Variants in FSTL4 observed in about 807,000 individuals in gnomAD.
FSTL4 encodes follistatin like 4.
A neutral mutation model predicts 78.2 loss-of-function variants in FSTL4; 28 were observed. The observed-to-expected ratio is 0.36, with a 90% CI of 0.27 to 0.49. The LOEUF (loss-of-function observed/expected upper bound fraction) is 0.49, where lower values mean the gene tolerates loss of function less well. Ranked by LOEUF, FSTL4 falls within the 20% of genes least tolerant of loss-of-function variation. FSTL4 has a pLI of 0.98. For missense variants in FSTL4, 922 were observed against 1,084.9 expected (o/e 0.85, Z 2.11); for synonymous variants, 422 against 440.5 (o/e 0.96, Z 0.53).
At chr5:133,265,154 G>A (rs551415140) in intron 6 of FSTL4, among the ~76,000 whole-genome samples, 30 of 152,038 alleles carry the variant, frequency 2.0e-4, no homozygotes, top group African/African-American at 5.8e-4. Context: ...CCTAGGCCCC[G>A]TCCCCCCACA....
Position 133,201,794 on chromosome 5 carries a change from T to G in FSTL4, c.1826+139A>C, listed in dbSNP as rs1750328017. Reference sequence around the variant, plus strand: ...GTCTGTTTTACTGGACCTTCTCTGTTCCTTCGTGATGGGGTCCAAATCCAG... The same window carrying G: ...GTCTGTTTTACTGGACCTTCTCTGTGCCTTCGTGATGGGGTCCAAATCCAG... On this transcript the variant is annotated intron_variant, in intron 15 of 15. Transcript: ENST00000265342. The G allele has an allele frequency of 5.4e-6, 3 of 555,716 alleles. No individual in the cohort carries two copies. The East Asian group carries it at 8.2e-5, about 15-fold the overall frequency. 34.4% of individuals were successfully genotyped at this position (555,716 alleles called of 1,614,324 possible).
chr5:133,468,139 A>G (rs1279179628), intron 3 of FSTL4, among the ~76,000 whole-genome samples: 1 of 152,136 alleles, frequency 6.6e-6, no homozygotes, highest in Non-Finnish European at 1.5e-5. Flanking sequence ...GGGAAGATGA[A>G]AATAAGAGAT....
intron 3 of FSTL4, among the ~76,000 whole-genome samples, chr5:133,549,966 T>C (rs942371937): frequency 1.3e-5 from 2 of 152,170 alleles, no homozygotes; most frequent in Admixed American, 1.3e-4. Context: ...TCTCAGCTTT[T>C]ATGTAGAGGA....
At chr5:133,445,477 A>G (rs532583011) in intron 3 of FSTL4, among the ~76,000 whole-genome samples, 1 of 152,290 alleles carries the variant, frequency 6.6e-6, no homozygotes, top group East Asian at 1.9e-4. Context: ...CTGCCACCCC[A>G]TCGGCCCTGC....
the FSTL4 span, among the ~76,000 whole-genome samples, chr5:133,682,949 A>G: frequency 1.3e-5 from 2 of 152,180 alleles, no homozygotes; most frequent in Non-Finnish European, 2.9e-5. Flanking sequence ...TGCTTTGGAC[A>G]CCACTGAGCC....
chr5:133,575,503 G>A (rs1289834169), intron 2 of FSTL4, among the ~76,000 whole-genome samples: 1 of 152,180 alleles, frequency 6.6e-6, no homozygotes, highest in African/African-American at 2.4e-5. Context: ...CCTCCAACAT[G>A]TGCCACCATC....
chr5:133,735,890 C>T, the FSTL4 span, among the ~76,000 whole-genome samples: 4 of 152,164 alleles, frequency 2.6e-5, no homozygotes, highest in African/African-American at 9.7e-5. Context: ...ATGGTAGAGT[C>T]GTGAAAACTA....
At chr5:133,466,318 A>G (rs978904638) in intron 3 of FSTL4, among the ~76,000 whole-genome samples, 12 of 152,160 alleles carry the variant, frequency 7.9e-5, no homozygotes, top group Non-Finnish European at 1.6e-4. Flanking sequence ...CGAGGCGGGC[A>G]GATCATGGGG....
chr5:133,495,265 G>A (rs942917196), intron 3 of FSTL4, among the ~76,000 whole-genome samples: 1 of 152,146 alleles, frequency 6.6e-6, no homozygotes, highest in African/African-American at 2.4e-5. Context: ...GGATAAGTGG[G>A]TAACTCTGAG....
the FSTL4 span, among the ~76,000 whole-genome samples, chr5:133,684,915 A>C: frequency 6.6e-6 from 1 of 152,214 alleles, no homozygotes; most frequent in African/African-American, 2.4e-5. Context: ...CTTTCCAAAG[A>C]GAAGCTCCAG....
At chr5:133,637,890 G>A in the FSTL4 span, among the ~76,000 whole-genome samples, 7 of 151,702 alleles carry the variant, frequency 4.6e-5, no homozygotes, top group South Asian at 1.5e-3. Flanking sequence ...TCCAGTCACC[G>A]AGATTGTGCC....
At chr5:133,539,001 T>A (rs1261794043) in intron 3 of FSTL4, among the ~76,000 whole-genome samples, 2 of 152,286 alleles carry the variant, frequency 1.3e-5, no homozygotes, top group Admixed American at 6.5e-5. Flanking sequence ...GATGGTAACC[T>A]CAGGGCACTG....
At chr5:133,728,904 G>A in the FSTL4 span, among the ~76,000 whole-genome samples, 1 of 152,192 alleles carries the variant, frequency 6.6e-6, no homozygotes, top group African/African-American at 2.4e-5. Flanking sequence ...AGGATAAAGT[G>A]TAGCTCAGCT....
intron 4 of FSTL4, chr5:133,333,998 C>G (rs780712424): frequency 6.6e-6 from 1 of 152,268 alleles, no homozygotes; most frequent in Non-Finnish European, 1.5e-5. Context: ...CCACCCAGGT[C>G]CCGAGGTCTC....
At chr5:133,376,537 G>C (rs1295818667) in intron 4 of FSTL4, among the ~76,000 whole-genome samples, 1 of 151,932 alleles carries the variant, frequency 6.6e-6, no homozygotes, top group Non-Finnish European at 1.5e-5. Flanking sequence ...TGATGATTTT[G>C]ATTTTAAAAA....
rs567335012 is a variant in FSTL4, at chr5:133,511,541, G to A, written c.160+55645C>T. On this transcript the variant is annotated intron_variant, in intron 3 of 15. Coordinates refer to ENST00000265342, the MANE Select transcript of FSTL4 (RefSeq NM_015082.2). ...CGTCTAACTGGAGCAAGGGGCACACGTGACCCAAAGGCTGCAACTCCAAAG... is the reference window on the plus strand; with the variant it reads ...CGTCTAACTGGAGCAAGGGGCACACATGACCCAAAGGCTGCAACTCCAAAG... Among the ~76,000 whole-genome samples the A allele has an allele frequency of 9.8e-5, 15 of 152,310 alleles. 1 individual carries two copies. The highest frequency in any genetic ancestry group is 4.1e-4 in the South Asian group (2 of 4,826).
chr5:133,326,312 T>A (rs892394757), intron 4 of FSTL4, among the ~76,000 whole-genome samples: 2 of 152,190 alleles, frequency 1.3e-5, no homozygotes, highest in Non-Finnish European at 2.9e-5. Context: ...GCCACAAAAC[T>A]CTGAAAATTC....
At chr5:133,413,214 T>C (rs536172994) in intron 3 of FSTL4, among the ~76,000 whole-genome samples, 1 of 152,314 alleles carries the variant, frequency 6.6e-6, no homozygotes, top group African/African-American at 2.4e-5. Context: ...CAATACTGTA[T>C]ATTGTGAGTC....
At chr5:133,209,609 T>C (rs1750639304) in intron 14 of FSTL4, among the ~76,000 whole-genome samples, 1 of 152,130 alleles carries the variant, frequency 6.6e-6, no homozygotes, top group African/African-American at 2.4e-5. Context: ...AGGGTTGCTA[T>C]TGACCTTTCT....
Sources: gnomAD v4.1 joint callset for allele counts (sites outside exome capture counted in the v4.1 genomes callset) on GRCh38, gnomAD v4.1.1 for gene constraint, MANE v1.5 for transcripts, NCBI Gene and HGNC (gene_info 2026-07-23, HGNC 2026-07-21) for gene names.